The following SMARCD2 variants were observed in gnomAD, a reference collection of about 807,000 sequenced individuals.
SMARCD2 encodes SWI/SNF-related matrix-associated actin-dependent regulator of chromatin subfamily D member 2.
A neutral mutation model predicts 70.4 loss-of-function variants in SMARCD2; 39 were observed. That is an observed-to-expected ratio of 0.55 (90% CI 0.43 to 0.72). The LOEUF (loss-of-function observed/expected upper bound fraction) is 0.72. Among genes scored for constraint, SMARCD2 ranks in the 30% least tolerant of loss-of-function variants. The pLI, the probability that SMARCD2 is intolerant of heterozygous loss-of-function variation, is 0.00. For missense variants in SMARCD2, 540 were observed against 713.4 expected, an observed-to-expected ratio of 0.76 and a Z score of 2.77; for synonymous variants, 249 against 279.4, an observed-to-expected ratio of 0.89 and a Z score of 1.08.
chr17:63,839,300 C>T (rs1285062905), intron 1 of SMARCD2: 1 of 919,918 alleles, frequency 1.1e-6, no homozygotes, highest in Non-Finnish European at 1.3e-6. Context: ...GCCCTGTGGT[C>T]CCCAGGAAGC....
Position 63,832,758 on chromosome 17 carries a change from TA to T in SMARCD2, c.*179del. The stretch of plus-strand genomic sequence containing the variant: ...CCAATTAAAGCCAATGCAAAAAGTA[TA>T]AGGCTTTGGGGACCAAGCAACAAGG... On this transcript the variant is annotated 3_prime_UTR_variant, in exon 13 of 13. Coordinates refer to ENST00000448276, the MANE Select transcript of SMARCD2 (RefSeq NM_001098426.2). 2 of 636,662 alleles carry T rather than the reference TA, an allele frequency of 3.1e-6. No homozygotes were observed. Among genetic ancestry groups the T allele is most frequent in the South Asian group, 1.9e-5 (1 of 52,792 alleles). 39.4% of individuals were successfully genotyped at this position (636,662 alleles called of 1,614,324 possible).
In SMARCD2 at chr17:63,832,877, A is replaced by G; in HGVS notation, c.*61T>C. 1 of 1,461,240 alleles carries G rather than the reference A, an allele frequency of 6.8e-7. No homozygotes were observed. The highest frequency in any genetic ancestry group is 9.4e-7 in the Non-Finnish European group (1 of 1,066,272). 90.5% of individuals were successfully genotyped at this position (1,461,240 alleles called of 1,614,324 possible). A position where few individuals can be genotyped will look rare whatever the true frequency, so the allele number is the denominator to read the frequency against. On this transcript the variant is annotated 3_prime_UTR_variant, in exon 13 of 13. Coordinates refer to ENST00000448276, the MANE Select transcript of SMARCD2 (RefSeq NM_001098426.2). ...CAGCCTACGTGTCTGCGGCCCCAGCAAGGACCCAGAGGGTGGTCTCCCTCC... is the reference window on the plus strand; with the variant it reads ...CAGCCTACGTGTCTGCGGCCCCAGCGAGGACCCAGAGGGTGGTCTCCCTCC...
rs777738554 is a variant in SMARCD2, at chr17:63,833,036, G to C, written c.1542+33C>G. 1.9e-6 allele frequency: 3 copies of C among 1,585,028 alleles called. No individual in the cohort carries two copies. The highest frequency in any genetic ancestry group is 2.6e-6 in the Non-Finnish European group (3 of 1,166,566). Reference sequence around the variant, plus strand: ...AGTGGCTCAGGCCTTTGCTACTCACGGCCAAAGGAGGGAAAACAGGGCAGA... The same window carrying C: ...AGTGGCTCAGGCCTTTGCTACTCACCGCCAAAGGAGGGAAAACAGGGCAGA... On this transcript the variant is annotated intron_variant, in intron 12 of 12. Coordinates refer to ENST00000448276, the MANE Select transcript of SMARCD2 (RefSeq NM_001098426.2). The surrounding 1 kb of genome is among the most constrained non-coding windows in gnomAD (Gnocchi z 4.3).
chr17:63,834,068 G>T lies in SMARCD2; in HGVS notation c.1084-62C>A. The stretch of plus-strand genomic sequence containing the variant: ...GGCACAGTGGAGTGGACCATTCCAG[G>T]ACCAGTGAGGGCAGCAGTCTGCAGG... On this transcript the variant is annotated intron_variant, in intron 8 of 12. Coordinates refer to ENST00000448276, the MANE Select transcript of SMARCD2 (RefSeq NM_001098426.2). The surrounding 1 kb of genome is among the most constrained non-coding windows in gnomAD (Gnocchi z 5.6). 6.3e-7 allele frequency: 1 copy of T among 1,588,166 alleles called. No individual in the cohort carries two copies. The highest frequency in any genetic ancestry group is 1.1e-5 in the South Asian group (1 of 90,284).
At position 63,832,911 on chromosome 17, in the gene SMARCD2, G is replaced by A. The variant is rs1268348309; in HGVS notation, c.*27C>T. On this transcript the variant is annotated 3_prime_UTR_variant, in exon 13 of 13. Coordinates refer to ENST00000448276, the MANE Select transcript of SMARCD2 (RefSeq NM_001098426.2). ...GAGGGTGGTCTCCCTCCAGGCTCCAGGGCTGGGAAGAAAGATCCCTGAGCA... is the reference window on the plus strand; with the variant it reads ...GAGGGTGGTCTCCCTCCAGGCTCCAAGGCTGGGAAGAAAGATCCCTGAGCA... The A allele has an allele frequency of 6.4e-7, 1 of 1,552,184 alleles. No individual in the cohort carries two copies. The highest frequency in any genetic ancestry group is 8.7e-7 in the Non-Finnish European group (1 of 1,148,360).
chr17:63,835,771 A>C (rs2040257760), intron 4 of SMARCD2: 1 of 453,028 alleles, frequency 2.2e-6, no homozygotes, highest in Non-Finnish European at 3.9e-6. Flanking sequence ...TCTGTCACCC[A>C]GGCTGGAGTG....
chr17:63,836,485 C>T (rs941152555), intron 4 of SMARCD2, among the ~76,000 whole-genome samples: 2 of 124,708 alleles, frequency 1.6e-5, no homozygotes, highest in East Asian at 4.5e-4. Context: ...GGTGAAAGAG[C>T]GAGACTCCAT....
In SMARCD2 at chr17:63,833,510, A is replaced by G. The variant is rs2040222059; in HGVS notation, c.1317+77T>C. 1 of 1,610,356 alleles carries G rather than the reference A, an allele frequency of 6.2e-7. No homozygotes were observed. Among genetic ancestry groups the G allele is most frequent in the African/African-American group, 1.3e-5 (1 of 74,836 alleles). On this transcript the variant is annotated intron_variant, in intron 10 of 12. Transcript: ENST00000448276. The surrounding 1 kb of genome is among the most constrained non-coding windows in gnomAD (Gnocchi z 4.3). ...TCCCATCCCGTCCTCCAGGTGCTAC[A>G]TGTATGGAAATGCTGGACAGAGCCA...
Position 63,836,965 on chromosome 17 carries a change from C to T in SMARCD2, c.524G>A (p.Arg175His), listed in dbSNP as rs773052349. 7.4e-6 allele frequency: 12 copies of T among 1,613,878 alleles called. No homozygotes were observed. Among genetic ancestry groups the T allele is most frequent in the East Asian group, 6.7e-5 (3 of 44,884 alleles). ...GGCCTCCTGGATCTCCATCCGCTTG[C>T]GAGCAATGGTCTGGTCCAGCTTCCG... ...FERKLDQTIA[R>H]KRMEIQEAIK... The change falls in exon 4 of 13, where the codon CGC becomes CAC. Residue 175 changes from arginine (R) to histidine (H), a missense_variant. Arg to His is a conservative substitution (Grantham distance 29, BLOSUM62 0). Transcript: ENST00000448276.
intron 5 of SMARCD2, 199 bp downstream of exon 5, chr17:63,835,213 C>T: frequency 8.6e-6 from 5 of 583,560 alleles, no homozygotes; most frequent in Non-Finnish European, 1.2e-5. Context: ...AGCTCGACCT[C>T]CTGGGCTCAA....
chr17:63,837,332 A>AG lies in SMARCD2; in HGVS notation c.402-96dup. The AG allele has an allele frequency of 6.6e-7, 1 of 1,514,380 alleles. No individual in the cohort carries two copies. Among genetic ancestry groups the AG allele is most frequent in the Non-Finnish European group, 9.2e-7 (1 of 1,089,390 alleles). 93.8% of individuals were successfully genotyped at this position (1,514,380 alleles called of 1,614,324 possible). A position where few individuals can be genotyped will look rare whatever the true frequency, so the allele number is the denominator to read the frequency against. ...TCCAGTCTCCAGGACCCTCTCCCCCAGGAGAGCCTGGAGTCATCCTCAGTC... is the reference window on the plus strand; with the variant it reads ...TCCAGTCTCCAGGACCCTCTCCCCCAGGGAGAGCCTGGAGTCATCCTCAGTC... On this transcript the variant is annotated intron_variant, in intron 2 of 12. Transcript: ENST00000448276. The surrounding 1 kb of genome is among the most constrained non-coding windows in gnomAD (Gnocchi z 6.4).
chr17:63,835,792 A>G (rs564173561), intron 4 of SMARCD2: 147 of 378,120 alleles, frequency 3.9e-4, no homozygotes, highest in Admixed American at 5.5e-4. Context: ...CAGTGGCGCG[A>G]TCTCAGCTCA....
chr17:63,839,035 G>A (rs1904336465), intron 1 of SMARCD2: 11 of 985,180 alleles, frequency 1.1e-5, no homozygotes, highest in Non-Finnish European at 1.3e-5. Context: ...TCAAAGTGGG[G>A]GGCTCTGGGG....
chr17:63,836,262 G>A (rs895836852), intron 4 of SMARCD2, among the ~76,000 whole-genome samples: 2 of 151,558 alleles, frequency 1.3e-5, no homozygotes, highest in African/African-American at 4.8e-5. Flanking sequence ...AGTGGCTCAC[G>A]CCTGTAATCT....
chr17:63,835,003 G>A lies in SMARCD2; in HGVS notation c.724-203C>T, dbSNP rs1006363215. On this transcript the variant is annotated intron_variant, in intron 5 of 12. Coordinates refer to ENST00000448276, the MANE Select transcript of SMARCD2 (RefSeq NM_001098426.2). ...CTTGCAGCCCACGAGGGACTTCCTC[G>A]AGACACTCGACTGCCATCTGCAGGA... 5 of 587,304 alleles carry A rather than the reference G, an allele frequency of 8.5e-6. No homozygotes were observed. The Admixed American group carries it at 9.2e-5, about 11-fold the overall frequency. 36.4% of individuals were successfully genotyped at this position (587,304 alleles called of 1,614,324 possible).
rs2040246854 is a variant in SMARCD2, at chr17:63,834,996, C to A, written c.724-196G>T. The A allele has an allele frequency of 3.4e-6, 2 of 591,058 alleles. No homozygotes were observed. The highest frequency in any genetic ancestry group is 6.0e-6 in the Non-Finnish European group (2 of 333,192). The allele number at this position is 591,058 out of a possible 1,614,324, so 36.6% of individuals were successfully genotyped here. A position where few individuals can be genotyped will look rare whatever the true frequency, so the allele number is the denominator to read the frequency against. ...GTGCCCTCTTGCAGCCCACGAGGGA[C>A]TTCCTCGAGACACTCGACTGCCATC... On this transcript the variant is annotated intron_variant, in intron 5 of 12. Transcript: ENST00000448276. This position sits in a 1 kb window ranked among gnomAD's most constrained non-coding sequence, Gnocchi z 5.6.
Position 63,837,382 on chromosome 17 carries a change from A to G in SMARCD2, c.401+59T>C. The stretch of plus-strand genomic sequence containing the variant: ...CACCAAAGCTCTTAAGATAGAAGGA[A>G]ACCCTCTGCTACCACCAGAGCTGAG... On this transcript the variant is annotated intron_variant, in intron 2 of 12. Transcript: ENST00000448276. This position sits in a 1 kb window ranked among gnomAD's most constrained non-coding sequence, Gnocchi z 6.4. 6.5e-7 allele frequency: 1 copy of G among 1,549,008 alleles called. No individual in the cohort carries two copies.
rs2040284199 is a variant in SMARCD2 at position 63,837,684 on chromosome 17, T to C, written c.217-59A>G. 14 of 1,417,230 alleles carry C rather than the reference T, an allele frequency of 9.9e-6. No homozygotes were observed. Among genetic ancestry groups the C allele is most frequent in the Middle Eastern group, 2.2e-4 (1 of 4,588 alleles). The allele number at this position is 1,417,230 out of a possible 1,614,324, so 87.8% of individuals were successfully genotyped here. A position where few individuals can be genotyped will look rare whatever the true frequency, so the allele number is the denominator to read the frequency against. ...CAGGGGCAAGGCCCTCCGGGACCCA[T>C]AGCCCATGCCCTCCATCCCTCTCGT... is the stretch of plus-strand genomic sequence containing the variant. On this transcript the variant is annotated intron_variant, in intron 1 of 12. Coordinates refer to ENST00000448276, the MANE Select transcript of SMARCD2 (RefSeq NM_001098426.2). The surrounding 1 kb of genome is among the most constrained non-coding windows in gnomAD (Gnocchi z 6.4).
In SMARCD2 at chr17:63,834,569, G is replaced by A. The variant is rs1130104; in HGVS notation, c.826C>T (p.Arg276Trp). ...TCTGTCTCCTGGGTGGTGGGCATCC[G>A]GTGCCACTGGCAGGGAGGGAAGCAT... ...GPDNHLVEWH[R>W]MPTTQETDGF... Residue 276 changes from arginine to tryptophan, a missense_variant, in exon 7 of 13, where the codon CGG becomes TGG. Physicochemically the swap from Arg to Trp is moderately radical, Grantham distance 101. Coordinates refer to ENST00000448276, the MANE Select transcript of SMARCD2 (RefSeq NM_001098426.2). The surrounding 1 kb of genome is among the most constrained non-coding windows in gnomAD (Gnocchi z 5.6). 3 of 1,602,584 alleles carry A rather than the reference G, an allele frequency of 1.9e-6. No homozygotes were observed. Among genetic ancestry groups the A allele is most frequent in the Admixed American group, 1.7e-5 (1 of 58,830 alleles).
Sources: allele counts gnomAD v4.1 joint callset (sites outside exome capture counted in the v4.1 genomes callset), GRCh38; gene constraint gnomAD v4.1.1; non-coding constraint Gnocchi (gnomAD v3.1); transcripts MANE v1.5; gene names NCBI Gene and HGNC (gene_info 2026-07-23, HGNC 2026-07-21).